Variants in TCN2 observed in about 807,000 individuals in gnomAD.
TCN2 encodes the protein transcobalamin 2.
TCN2 carries 34 observed loss-of-function variants against 48.6 expected under a neutral mutation model. That is an observed-to-expected ratio of 0.70 (90% CI 0.53 to 0.93). TCN2 has a LOEUF of 0.93. Ranked by LOEUF, TCN2 falls within the 40% of genes least tolerant of loss-of-function variation. TCN2 has a pLI of 0.00. For synonymous variants in TCN2, 283 were observed against 212.5 expected (o/e 1.33, Z -2.89); for missense variants, 652 against 526.1 (o/e 1.24, Z -2.34).
chr22:30,609,081 T>G (rs2087497423), intron 1 of TCN2, among the ~76,000 whole-genome samples: 1 of 151,984 alleles, frequency 6.6e-6, no homozygotes, highest in South Asian at 2.1e-4. Flanking sequence ...TCTATATGTA[T>G]GTTGTGAAAT....
chr22:30,626,384 G>A (rs1017111809), intron 8 of TCN2, 76 bp from the exon 9 acceptor site: 2 of 1,478,544 alleles, frequency 1.4e-6, no homozygotes, highest in Non-Finnish European at 1.9e-6. Flanking sequence ...CCTCAGGGTG[G>A]GGGGTCTGGA....
rs560354454 is a variant in TCN2, at chr22:30,622,600, C to T, written c.1107-368C>T. On this transcript the variant is annotated intron_variant, in intron 7 of 8. Transcript: ENST00000215838. ...GCCTGTCTCTGTATGCAGGCTTCAC[C>T]CTCTCTCGTTGTACATTGTACACAT... 9.9e-5 allele frequency among the ~76,000 whole-genome samples: 15 copies of T among 152,244 alleles called. No individual in the cohort carries two copies. In the South Asian group the frequency reaches 2.3e-3, roughly 23 times the overall value.
At chr22:30,615,902 G>T (rs1023164496) in intron 6 of TCN2, 115 bp downstream of exon 6, 2 of 1,295,246 alleles carry the variant, frequency 1.5e-6, no homozygotes, top group Non-Finnish European at 2.2e-6. Flanking sequence ...AAGATTGTGG[G>T]TGTGCATGGG....
chr22:30,608,145 G>A (rs1247944748), intron 1 of TCN2, among the ~76,000 whole-genome samples: 1 of 152,174 alleles, frequency 6.6e-6, no homozygotes, highest in Non-Finnish European at 1.5e-5. Flanking sequence ...GGCAGGCTTT[G>A]GGAACTTTGG....
rs538912010 is a variant in TCN2, at chr22:30,620,786, C to T, written c.1107-2182C>T. On this transcript the variant is annotated intron_variant, in intron 7 of 8. Coordinates refer to ENST00000215838, the MANE Select transcript of TCN2 (RefSeq NM_000355.4). ...TTGTTAGTGTGCATGGATGCCTCAA[C>T]TGGGTTCAGGCATGAAGACTATGTT... Among the ~76,000 whole-genome samples the T allele has an allele frequency of 6.5e-4, 99 of 152,316 alleles. No homozygotes were observed. The Middle Eastern group carries it at 0.01, about 16-fold the overall frequency.
Position 30,615,817 on chromosome 22 carries a change from C to G in TCN2, c.940+30C>G, listed in dbSNP as rs774039624. ...CCCAACTTTTTGTGGAAGCACAGCC[C>G]TTTACAATCTGCTGCGCACCCATTG... is the stretch of plus-strand genomic sequence containing the variant. On this transcript the variant is annotated intron_variant, in intron 6 of 8. Coordinates refer to ENST00000215838, the MANE Select transcript of TCN2 (RefSeq NM_000355.4). 10 of 1,613,248 alleles carry G rather than the reference C, an allele frequency of 6.2e-6. No homozygotes were observed. In the South Asian group the frequency reaches 7.7e-5, roughly 12 times the overall value.
chr22:30,611,485 C>T (rs2087540517), intron 2 of TCN2, among the ~76,000 whole-genome samples: 1 of 152,188 alleles, frequency 6.6e-6, no homozygotes, highest in Admixed American at 6.5e-5. Flanking sequence ...TAATCCATGA[C>T]CGCATTCTTT....
At chr22:30,615,886 C>T (rs904881278) in intron 6 of TCN2, 99 bp downstream of exon 6, 84 of 1,494,386 alleles carry the variant, frequency 5.6e-5, no homozygotes, top group Middle Eastern at 3.4e-4. Context: ...TTTGCTGAGT[C>T]AGCACAAGAT....
chr22:30,627,124 A>T lies in TCN2; in HGVS notation c.*603A>T, dbSNP rs1375707180. ...GCAGGGACAAGAGAAGGGGGAAGTA[A>T]CCCCATCAGGGAGGAGTGGAGGGTG... On this transcript the variant is annotated 3_prime_UTR_variant, in exon 9 of 9. Coordinates refer to ENST00000215838, the MANE Select transcript of TCN2 (RefSeq NM_000355.4). 1 of 169,370 alleles carries T rather than the reference A, an allele frequency of 5.9e-6. No individual in the cohort carries two copies. Among genetic ancestry groups the T allele is most frequent in the Non-Finnish European group, 1.3e-5 (1 of 77,210 alleles). 10.5% of individuals were successfully genotyped at this position (169,370 alleles called of 1,614,324 possible).
In TCN2 at chr22:30,617,376, C is replaced by A. The variant is rs755892011; in HGVS notation, c.987C>A (p.Ile329=). The A allele has an allele frequency of 8.7e-6, 14 of 1,614,060 alleles. No individual in the cohort carries two copies. The East Asian group carries it at 3.1e-4, about 36-fold the overall frequency. ...AAETIPQTQE[I]ISVTLQVLSL... ...AGACCATTCCTCAGACCCAAGAGATCATCAGTGTCACGCTGCAGGTGCTTA... is the reference window on the plus strand; with the variant it reads ...AGACCATTCCTCAGACCCAAGAGATAATCAGTGTCACGCTGCAGGTGCTTA... Residue 329 remains isoleucine (I), a synonymous_variant, in exon 7 of 9, where the codon ATC becomes ATA. Coordinates refer to ENST00000215838, the MANE Select transcript of TCN2 (RefSeq NM_000355.4).
intron 2 of TCN2, 138 bp from the exon 3 acceptor site, chr22:30,612,735 C>T (rs1389745548): frequency 6.8e-6 from 7 of 1,027,406 alleles, no homozygotes; most frequent in East Asian, 5.2e-5. Context: ...ATAGCCAACA[C>T]ACCTCCTTTT....
chr22:30,625,391 G>A (rs1380861220), intron 8 of TCN2, among the ~76,000 whole-genome samples: 1 of 116,868 alleles, frequency 8.6e-6, no homozygotes, highest in Non-Finnish European at 1.7e-5. Context: ...CTGGGGCCTT[G>A]TTTTTTAATT....
intron 8 of TCN2, 178 bp downstream of exon 8, chr22:30,623,261 G>T: frequency 1.3e-5 from 7 of 528,078 alleles, no homozygotes; most frequent in South Asian, 2.6e-5. Flanking sequence ...TTTTATGCAA[G>T]TTACTGTGGA....
rs1390532438 is a variant in TCN2, at chr22:30,623,931, C to CAT, written c.1222+854_1222+855dup. On this transcript the variant is annotated intron_variant, in intron 8 of 8. Coordinates refer to ENST00000215838, the MANE Select transcript of TCN2 (RefSeq NM_000355.4). ...ATATATACACACATATATATGTATA[C>CAT]ATATATACACACACACATATGTATA... Among the ~76,000 whole-genome samples the CAT allele has an allele frequency of 2.0e-4, 14 of 70,346 alleles. 2 individuals are homozygous for CAT. The highest frequency in any genetic ancestry group is 3.4e-4 in the South Asian group (1 of 2,922). 46.1% of individuals were successfully genotyped at this position (70,346 alleles called of 152,430 possible). A position where few individuals can be genotyped will look rare whatever the true frequency, so the allele number is the denominator to read the frequency against.
rs1278360321 is a variant in TCN2, at chr22:30,617,352, G to A, written c.963G>A (p.Glu321=). 6.2e-7 allele frequency: 1 copy of A among 1,614,036 alleles called. No individual in the cohort carries two copies. Among genetic ancestry groups the A allele is most frequent in the Non-Finnish European group, 8.5e-7 (1 of 1,180,046 alleles). ...CAGTCATGTTGGAACCAGCTGCTGAGACCATTCCTCAGACCCAAGAGATCA... is the reference window on the plus strand; with the variant it reads ...CAGTCATGTTGGAACCAGCTGCTGAAACCATTCCTCAGACCCAAGAGATCA... ...APRVMLEPAA[E]TIPQTQEIIS... Residue 321 remains glutamate (E), a synonymous_variant, in exon 7 of 9, where the codon GAG becomes GAA. Transcript: ENST00000215838.
chr22:30,624,051 CACACACACACAT>C (rs2087764825), intron 8 of TCN2, among the ~76,000 whole-genome samples: 1 of 18,870 alleles, frequency 5.3e-5, no homozygotes, highest in Admixed American at 5.9e-4. Context: ...TATACACACA[CACACACACACAT>C]ATATATATAT....
chr22:30,615,761 T>A lies in TCN2; in HGVS notation c.914T>A (p.Ile305Asn). ...AACCACAAGACCTACATTGATCTGATCTTCCCAGACTGTCTGGCACCACGA... is the reference window on the plus strand; with the variant it reads ...AACCACAAGACCTACATTGATCTGAACTTCCCAGACTGTCTGGCACCACGA... ...VLNHKTYIDL[I>N]FPDCLAPRVM... Residue 305 changes from isoleucine (I) to asparagine (N), a missense_variant, in exon 6 of 9, where the codon ATC becomes AAC. Transcript: ENST00000215838. The A allele has an allele frequency of 6.2e-7, 1 of 1,614,218 alleles. No individual in the cohort carries two copies. The highest frequency in any genetic ancestry group is 1.1e-5 in the South Asian group (1 of 91,086).
chr22:30,613,222 C>G (rs1262140939), intron 3 of TCN2, among the ~76,000 whole-genome samples, 180 bp downstream of exon 3: 1 of 152,180 alleles, frequency 6.6e-6, no homozygotes. Context: ...CTTGACCCAG[C>G]TTTTCCCGCG....
chr22:30,607,580 T>C (rs1028000380), intron 1 of TCN2, among the ~76,000 whole-genome samples, 185 bp downstream of exon 1: 1 of 152,190 alleles, frequency 6.6e-6, no homozygotes, highest in African/African-American at 2.4e-5. Context: ...CCAGACAAGA[T>C]CTCCGTTAAT....
Sources: gnomAD v4.1 joint callset for allele counts (sites outside exome capture counted in the v4.1 genomes callset) on GRCh38, gnomAD v4.1.1 for gene constraint, MANE v1.5 for transcripts, NCBI Gene and HGNC (gene_info 2026-07-23, HGNC 2026-07-21) for gene names.